The following SLC19A2 variants were observed in gnomAD, a reference collection of about 807,000 sequenced individuals.
SLC19A2 encodes the protein solute carrier family 19 member 2.
Under a neutral mutation model 44.7 loss-of-function variants are expected in SLC19A2, and 27 were observed. The observed-to-expected ratio is 0.60, with a 90% CI of 0.45 to 0.83. The LOEUF (loss-of-function observed/expected upper bound fraction) is 0.83, where lower values mean the gene tolerates loss of function less well. Among genes scored for constraint, SLC19A2 ranks in the 40% least tolerant of loss-of-function variants. SLC19A2 has a pLI of 0.00. For missense variants in SLC19A2, 566 were observed against 613.7 expected (o/e 0.92, Z 0.82); for synonymous variants, 239 against 243.6 (o/e 0.98, Z 0.18).
At position 169,478,774 on chromosome 1, in the gene SLC19A2, A is replaced by T. The variant is rs184400171; in HGVS notation, c.205-1017T>A. ...CTGCATCTCCTAAGAAGCTTTAAAA[A>T]AATGTGTTAGCCAAGCGTTGTGGCA... On this transcript the variant is annotated intron_variant, in intron 1 of 5. Transcript: ENST00000236137. 7.9e-5 allele frequency among the ~76,000 whole-genome samples: 12 copies of T among 152,136 alleles called. No individual in the cohort carries two copies. In the East Asian group the frequency reaches 2.3e-3, roughly 29 times the overall value.
chr1:169,468,729 T>C lies in SLC19A2; in HGVS notation c.1138A>G (p.Met380Val), dbSNP rs1284347696. ...ACCCAAATGTTACCCACAGTGTCCA[T>C]GATATACACTGCAGCAGCAATCAGG... Reference protein sequence around the residue: ...SLLIAAAVYIMDTVGNIWVCY... With the variant: ...SLLIAAAVYIVDTVGNIWVCY... The change falls in exon 4 of 6, where the codon ATG (methionine) becomes GTG (valine). Residue 380 changes from methionine (M) to valine (V), a missense_variant. Coordinates refer to ENST00000236137, the MANE Select transcript of SLC19A2 (RefSeq NM_006996.3). The C allele has an allele frequency of 1.2e-6, 2 of 1,613,784 alleles. No homozygotes were observed. The highest frequency in any genetic ancestry group is 3.3e-5 in the Admixed American group (2 of 60,012).
chr1:169,468,018 T>C (rs1658074680), intron 5 of SLC19A2, 93 bp downstream of exon 5: 2 of 1,241,122 alleles, frequency 1.6e-6, no homozygotes, highest in South Asian at 1.2e-5. Flanking sequence ...CTGTTCCCTA[T>C]TGTTTGGATT....
intron 3 of SLC19A2, among the ~76,000 whole-genome samples, chr1:169,469,728 AATT>A (rs1387175775): frequency 1.3e-5 from 2 of 152,202 alleles, no homozygotes; most frequent in Non-Finnish European, 2.9e-5. Flanking sequence ...CAATCTTGAA[AATT>A]ATTATATTAG....
chr1:169,470,017 G>A lies in SLC19A2; in HGVS notation c.977C>T (p.Ser326Phe), dbSNP rs757640624. ...ACCATTATAGATAGCAGCATAGCGA[G>A]AAGGCATCACTTTCTCCCACAGGCC... ...TQGLWEKVMP[S>F]RYAAIYNGGV... Residue 326 changes from serine to phenylalanine, a missense_variant, in exon 3 of 6, where the codon TCT (serine) becomes TTT (phenylalanine). Physicochemically the swap from Ser to Phe is radical, Grantham distance 155. Transcript: ENST00000236137. 2.5e-6 allele frequency: 4 copies of A among 1,613,992 alleles called. No individual in the cohort carries two copies. Among genetic ancestry groups the A allele is most frequent in the South Asian group, 2.2e-5 (2 of 91,080 alleles).
At chr1:169,477,831 T>C in intron 1 of SLC19A2, 74 bp from the exon 2 acceptor site, 2 of 1,478,784 alleles carry the variant, frequency 1.4e-6, no homozygotes, top group Non-Finnish European at 1.8e-6. Flanking sequence ...AAAGAATTTA[T>C]TCATAAAAAA....
chr1:169,484,909 TTA>T (rs1658519949), intron 1 of SLC19A2, among the ~76,000 whole-genome samples: 1 of 152,174 alleles, frequency 6.6e-6, no homozygotes, highest in Non-Finnish European at 1.5e-5. Flanking sequence ...AACACTATAA[TTA>T]AAAGTCAATT....
Position 169,468,734 on chromosome 1 carries a change from T to C in SLC19A2, c.1133A>G (p.Tyr378Cys), listed in dbSNP as rs748500423. 3 of 1,612,598 alleles carry C rather than the reference T, an allele frequency of 1.9e-6. No homozygotes were observed. Among genetic ancestry groups the C allele is most frequent in the South Asian group, 1.1e-5 (1 of 91,050 alleles). Reference sequence around the variant, plus strand: ...AATGTTACCCACAGTGTCCATGATATACACTGCAGCAGCAATCAGGAGAGA... The same window carrying C: ...AATGTTACCCACAGTGTCCATGATACACACTGCAGCAGCAATCAGGAGAGA... ...LFSLLIAAAV[Y>C]IMDTVGNIWV... The change falls in exon 4 of 6, where the codon TAT becomes TGT. Residue 378 changes from tyrosine to cysteine, a missense_variant. Transcript: ENST00000236137.
intron 2 of SLC19A2, among the ~76,000 whole-genome samples, chr1:169,471,462 TCCACACACACACACACACACACAC>T (rs1658176521): frequency 1.8e-5 from 2 of 109,594 alleles, no homozygotes; most frequent in South Asian, 7.0e-4. Context: ...AGATCCCGTC[TCCACACACACACACACACACACAC>T]ACACACACAC....
chr1:169,468,353 G>C, intron 4 of SLC19A2, 101 bp from the exon 5 acceptor site: 1 of 1,061,664 alleles, frequency 9.4e-7, no homozygotes, highest in Non-Finnish European at 1.3e-6. Flanking sequence ...AACATGAAGA[G>C]TCCTTCTTTC....
chr1:169,471,698 G>GTGTGTGTGTA (rs1553212202), intron 2 of SLC19A2, among the ~76,000 whole-genome samples: 19 of 146,974 alleles, frequency 1.3e-4, no homozygotes, highest in South Asian at 6.6e-4. Context: ...GTGTGTGTGT[G>GTGTGTGTGTA]TATATATACA....
Position 169,470,096 on chromosome 1 carries a change from C to T in SLC19A2, c.898G>A (p.Val300Met). 1.2e-6 allele frequency: 2 copies of T among 1,614,072 alleles called. No homozygotes were observed. The highest frequency in any genetic ancestry group is 2.2e-5 in the South Asian group (2 of 91,086). ...YSSRPLLCWS[V>M]WWALSTCGYF... ...CCACAGGTAGAGAGGGCCCACCACACAGACCAGCAGAGAAGAGGGCGAGAG... is the reference window on the plus strand; with the variant it reads ...CCACAGGTAGAGAGGGCCCACCACATAGACCAGCAGAGAAGAGGGCGAGAG... Residue 300 changes from valine to methionine, a missense_variant, in exon 3 of 6, where the codon GTG becomes ATG. By Grantham distance (21) the Val-to-Met change is conservative. Coordinates refer to ENST00000236137, the MANE Select transcript of SLC19A2 (RefSeq NM_006996.3).
rs772129644 is a variant in SLC19A2 at position 169,469,986 on chromosome 1, C to T, written c.1008G>A (p.Val336=). ...SRYAAIYNGG[V]EAVSTLLGAV... ...TACCCAGTAAGGTTGAAACGGCCTC[C>T]ACGCCACCATTATAGATAGCAGCAT... The change falls in exon 3 of 6, where the codon GTG becomes GTA. Residue 336 remains valine, a synonymous_variant. Coordinates refer to ENST00000236137, the MANE Select transcript of SLC19A2 (RefSeq NM_006996.3). 22 of 1,613,758 alleles carry T rather than the reference C, an allele frequency of 1.4e-5. No individual in the cohort carries two copies. Among genetic ancestry groups the T allele is most frequent in the East Asian group, 1.3e-4 (6 of 44,894 alleles).
intron 1 of SLC19A2, among the ~76,000 whole-genome samples, chr1:169,482,215 T>C (rs538988620): frequency 7.0e-6 from 1 of 142,630 alleles, no homozygotes; most frequent in South Asian, 2.2e-4. Flanking sequence ...AAATAAAAAT[T>C]AAAATTAAAA....
At chr1:169,482,271 A>G (rs1224207237) in intron 1 of SLC19A2, among the ~76,000 whole-genome samples, 1 of 150,808 alleles carries the variant, frequency 6.6e-6, no homozygotes, top group East Asian at 2.0e-4. Flanking sequence ...TAGGCACTGT[A>G]GCTCATGCCT....
chr1:169,465,936 A>G lies in SLC19A2; in HGVS notation c.1407T>C (p.Val469=), dbSNP rs752899125. Residue 469 remains valine, a synonymous_variant, in exon 6 of 6, where the codon GTT becomes GTC. Transcript: ENST00000236137. The stretch of plus-strand genomic sequence containing the variant: ...CACTGACTGCACCACTGGCCAGGAA[A>G]ACCACAGCGATGAGTGCAAAATAAC... ...YASYFALIAV[V]FLASGAVSVM... is the part of the protein sequence containing the mutation. The G allele has an allele frequency of 2.5e-6, 4 of 1,614,156 alleles. No homozygotes were observed. The highest frequency in any genetic ancestry group is 1.3e-5 in the African/African-American group (1 of 75,066).
Position 169,477,398 on chromosome 1 carries a change from G to A in SLC19A2, c.564C>T (p.Phe188=), listed in dbSNP as rs1658348940. Residue 188 remains phenylalanine, a synonymous_variant, in exon 2 of 6, where the codon TTC becomes TTT. Transcript: ENST00000236137. ...AGGTAAGAGAGATGACATTCAGGCT[G>A]AACAGCGACCAGCCTGCCACTGAGA... is the stretch of plus-strand genomic sequence containing the variant. The part of the protein sequence containing the change: ...ILVSVAGWSL[F]SLNVISLTCV... 1.9e-6 allele frequency: 3 copies of A among 1,614,176 alleles called. No homozygotes were observed. The highest frequency in any genetic ancestry group is 1.1e-5 in the South Asian group (1 of 91,080).
Position 169,485,706 on chromosome 1 carries a change from G to T in SLC19A2, c.61C>A (p.Arg21=). The T allele has an allele frequency of 6.5e-7, 1 of 1,543,712 alleles. No homozygotes were observed. The highest frequency in any genetic ancestry group is 8.7e-7 in the Non-Finnish European group (1 of 1,146,162). Residue 21 remains arginine (R), a synonymous_variant, in exon 1 of 6, where the codon CGG becomes AGG. Transcript: ENST00000236137. ...AAAAAATVLL[R]TARVRRECWF... is the part of the protein sequence containing the mutation. ...CATTCGCGACGGACCCGAGCGGTCC[G>T]CAGGAGCACAGTGGCCGCCGCCGCC...
intron 2 of SLC19A2, among the ~76,000 whole-genome samples, chr1:169,474,331 T>C (rs969337954): frequency 6.6e-6 from 1 of 152,198 alleles, no homozygotes; most frequent in African/African-American, 2.4e-5. Context: ...AGAGAATCAT[T>C]TACTAGGTAT....
At chr1:169,482,954 G>A (rs1658475212) in intron 1 of SLC19A2, among the ~76,000 whole-genome samples, 1 of 152,186 alleles carries the variant, frequency 6.6e-6, no homozygotes, top group African/African-American at 2.4e-5. Flanking sequence ...GGTAGTAAAT[G>A]TCTGTCAAAA....
Sources: allele counts gnomAD v4.1 joint callset (sites outside exome capture counted in the v4.1 genomes callset), GRCh38; gene constraint gnomAD v4.1.1; transcripts MANE v1.5; gene names NCBI Gene and HGNC (gene_info 2026-07-23, HGNC 2026-07-21).